Variants in BARX2 observed in about 807,000 individuals in gnomAD.
BARX2 encodes homeobox protein BarH-like 2.
Under a neutral mutation model 25.5 loss-of-function variants are expected in BARX2, and 11 were observed. That is an observed-to-expected ratio of 0.43 (90% CI 0.27 to 0.71). The LOEUF (loss-of-function observed/expected upper bound fraction) is 0.71, where lower values mean the gene tolerates loss of function less well. Among genes scored for constraint, BARX2 ranks in the 30% least tolerant of loss-of-function variants. The pLI is 0.19. For missense variants in BARX2, 360 were observed against 359.9 expected (o/e 1.00, Z 0.00); for synonymous variants, 137 against 149.5 (o/e 0.92, Z 0.61).
chr11:129,385,162 G>A, intron 1 of BARX2, among the ~76,000 whole-genome samples: 1 of 152,316 alleles, frequency 6.6e-6, no homozygotes, highest in South Asian at 2.1e-4. Flanking sequence ...TTGATGACAA[G>A]GAGATGGAGC....
At chr11:129,449,300 GTAAATA>G (rs1395401875) in intron 3 of BARX2, among the ~76,000 whole-genome samples, 3 of 152,180 alleles carry the variant, frequency 2.0e-5, no homozygotes, top group Non-Finnish European at 4.4e-5. Context: ...GGAACAGTCA[GTAAATA>G]TTTAGGGACT....
At chr11:129,402,329 A>AT (rs1183055586) in intron 1 of BARX2, among the ~76,000 whole-genome samples, 1 of 152,052 alleles carries the variant, frequency 6.6e-6, no homozygotes, top group Non-Finnish European at 1.5e-5. Context: ...CATTCCAAAA[A>AT]AAAAAGGCAT....
intron 1 of BARX2, among the ~76,000 whole-genome samples, chr11:129,407,846 A>T (rs933242179): frequency 6.6e-6 from 1 of 151,930 alleles, no homozygotes; most frequent in Admixed American, 6.6e-5. Flanking sequence ...CCTCACTTGC[A>T]GTGGAGGAGG....
At chr11:129,400,576 T>A (rs1182459671) in intron 1 of BARX2, among the ~76,000 whole-genome samples, 1 of 152,206 alleles carries the variant, frequency 6.6e-6, no homozygotes, top group Non-Finnish European at 1.5e-5. Context: ...AAAGTATACA[T>A]TCTATACTCA....
At chr11:129,441,807 G>T (rs1364728780) in intron 2 of BARX2, among the ~76,000 whole-genome samples, 1 of 152,190 alleles carries the variant, frequency 6.6e-6, no homozygotes, top group Non-Finnish European at 1.5e-5. Flanking sequence ...GGCCACAGTT[G>T]CTGAGAGAGT....
intron 1 of BARX2, among the ~76,000 whole-genome samples, chr11:129,411,196 C>G (rs1861882743): frequency 6.6e-6 from 1 of 152,010 alleles, no homozygotes; most frequent in Admixed American, 6.5e-5. Flanking sequence ...ATGGTGAAAC[C>G]CCGTCTCTAC....
At chr11:129,402,522 C>A (rs556158406) in intron 1 of BARX2, among the ~76,000 whole-genome samples, 1 of 152,202 alleles carries the variant, frequency 6.6e-6, no homozygotes, top group South Asian at 2.1e-4. Flanking sequence ...GTCACTGTTT[C>A]CCCATCTGTA....
In BARX2 at chr11:129,376,027, C is replaced by G. The variant is rs761421281; in HGVS notation, c.-9C>G. 8.7e-6 allele frequency: 13 copies of G among 1,494,424 alleles called. No homozygotes were observed. In the African/African-American group the frequency reaches 1.9e-4, roughly 22 times the overall value. 92.6% of individuals were successfully genotyped at this position (1,494,424 alleles called of 1,614,324 possible). On this transcript the variant is annotated 5_prime_UTR_variant, in exon 1 of 4. Coordinates refer to ENST00000281437, the MANE Select transcript of BARX2 (RefSeq NM_003658.5). This position sits in a 1 kb window ranked among gnomAD's most constrained non-coding sequence, Gnocchi z 4.2. ...CGCTCGGGCCGGCGGACGCTCGCGC[C>G]GGCTCACCATGCACTGCCACGCCGA... is the stretch of plus-strand genomic sequence containing the variant.
intron 1 of BARX2, among the ~76,000 whole-genome samples, chr11:129,418,981 T>C (rs1039352644): frequency 1.3e-5 from 2 of 152,234 alleles, no homozygotes; most frequent in East Asian, 3.9e-4. Flanking sequence ...GTTCTCTCCA[T>C]GTCTGCGTGG....
Position 129,375,928 on chromosome 11 carries a change from G to C in BARX2, c.-108G>C, listed in dbSNP as rs1861497152. Reference sequence around the variant, plus strand: ...CCACCCGAGCCCCGCCGCCTCCCCAGCTGCCGGGAGCGGGGCCCAGGCCCC... The same window carrying C: ...CCACCCGAGCCCCGCCGCCTCCCCACCTGCCGGGAGCGGGGCCCAGGCCCC... On this transcript the variant is annotated 5_prime_UTR_variant, in exon 1 of 4. Transcript: ENST00000281437. This position sits in a 1 kb window ranked among gnomAD's most constrained non-coding sequence, Gnocchi z 4.0. 1.6e-6 allele frequency: 1 copy of C among 630,146 alleles called. No homozygotes were observed. Among genetic ancestry groups the C allele is most frequent in the African/African-American group, 2.0e-5 (1 of 50,010 alleles). 39.0% of individuals were successfully genotyped at this position (630,146 alleles called of 1,614,324 possible). A position where few individuals can be genotyped will look rare whatever the true frequency, so the allele number is the denominator to read the frequency against.
Position 129,383,943 on chromosome 11 carries a change from G to A in BARX2, c.187+7721G>A, listed in dbSNP as rs192856271. On this transcript the variant is annotated intron_variant, in intron 1 of 3. Coordinates refer to ENST00000281437, the MANE Select transcript of BARX2 (RefSeq NM_003658.5). The stretch of plus-strand genomic sequence containing the variant: ...GGCTGGAGTGTAATGGTGCAATCTC[G>A]GCTCACTGCAGGCTCTGCCTCCTGG... Among the ~76,000 whole-genome samples the A allele has an allele frequency of 1.3e-4, 20 of 152,086 alleles. No homozygotes were observed. In the East Asian group the frequency reaches 3.7e-3, roughly 28 times the overall value.
chr11:129,392,604 T>G (rs1030630849), intron 1 of BARX2, among the ~76,000 whole-genome samples: 2 of 151,908 alleles, frequency 1.3e-5, no homozygotes, highest in Non-Finnish European at 2.9e-5. Context: ...TGAATTAACT[T>G]TTTTTTTGTT....
intron 1 of BARX2, among the ~76,000 whole-genome samples, chr11:129,394,357 T>G (rs1861696501): frequency 6.6e-6 from 1 of 152,224 alleles, no homozygotes; most frequent in Admixed American, 6.5e-5. Flanking sequence ...AGAAAACTAA[T>G]GATCAGGAGG....
chr11:129,400,546 G>C (rs1016113953), intron 1 of BARX2, among the ~76,000 whole-genome samples: 8 of 152,226 alleles, frequency 5.3e-5, no homozygotes, highest in African/African-American at 1.9e-4. Flanking sequence ...ACTAAGGGTA[G>C]GCCAATATTA....
chr11:129,419,781 A>G (rs1487939419), intron 1 of BARX2, among the ~76,000 whole-genome samples: 1 of 151,692 alleles, frequency 6.6e-6, no homozygotes, highest in Admixed American at 6.6e-5. Context: ...CAATATTATT[A>G]TTATTATTCT....
chr11:129,449,557 C>T (rs1251617812), intron 3 of BARX2, among the ~76,000 whole-genome samples: 3 of 152,290 alleles, frequency 2.0e-5, no homozygotes, highest in Non-Finnish European at 4.4e-5. Flanking sequence ...GGAGTGTCTA[C>T]TACATTCCAA....
At chr11:129,417,003 G>A (rs1053398684) in intron 1 of BARX2, among the ~76,000 whole-genome samples, 10 of 151,608 alleles carry the variant, frequency 6.6e-5, no homozygotes, top group Admixed American at 1.3e-4. Flanking sequence ...CCGGGTTCAC[G>A]CCATTCTCCT....
At position 129,437,436 on chromosome 11, in the gene BARX2, A is replaced by T. The variant is rs75249873; in HGVS notation, c.488+385A>T. On this transcript the variant is annotated intron_variant, in intron 2 of 3. Transcript: ENST00000281437. Reference sequence around the variant, plus strand: ...ACTAGATTTGGAATTGGGATTCATGATCTTCTCAATCTTCTCCACAGCCTC... The same window carrying T: ...ACTAGATTTGGAATTGGGATTCATGTTCTTCTCAATCTTCTCCACAGCCTC... The T allele has an allele frequency of 6.0e-3, 6,014 of 1,000,164 alleles. 189 individuals carry two copies. In the East Asian group the frequency reaches 0.14, roughly 23 times the overall value. The allele number at this position is 1,000,164 out of a possible 1,614,324, so 62.0% of individuals were successfully genotyped here. A position where few individuals can be genotyped will look rare whatever the true frequency, so the allele number is the denominator to read the frequency against.
At chr11:129,383,749 T>A (rs989398782) in intron 1 of BARX2, among the ~76,000 whole-genome samples, 2 of 152,160 alleles carry the variant, frequency 1.3e-5, no homozygotes, top group Non-Finnish European at 2.9e-5. Context: ...CTAACTACGT[T>A]CCATGTACAA....
Sources: gnomAD v4.1 joint callset for allele counts (sites outside exome capture counted in the v4.1 genomes callset) on GRCh38, gnomAD v4.1.1 for gene constraint, Gnocchi (gnomAD v3.1) non-coding constraint, MANE v1.5 for transcripts, NCBI Gene and HGNC (gene_info 2026-07-23, HGNC 2026-07-21) for gene names.